CADM2: variants seen among roughly 807,000 people sequenced by gnomAD.
The protein encoded by CADM2 is immunoglobulin superfamily member 4D.
Under a neutral mutation model 49.8 loss-of-function variants are expected in CADM2, and 12 were observed. That is an observed-to-expected ratio of 0.24 (90% CI 0.15 to 0.39). The LOEUF (loss-of-function observed/expected upper bound fraction) is 0.39. Ranked by LOEUF, CADM2 falls within the 10% of genes least tolerant of loss-of-function variation. CADM2 has a pLI of 1.00. For synonymous variants in CADM2, 214 were observed against 175.4 expected (o/e 1.22, Z -1.74); for missense variants, 378 against 492.3 (o/e 0.77, Z 2.20).
intron 1 of CADM2, among the ~76,000 whole-genome samples, chr3:85,093,754 G>C (rs1174682067): frequency 6.6e-6 from 1 of 152,032 alleles, no homozygotes; most frequent in Non-Finnish European, 1.5e-5. Context: ...TACATCCACT[G>C]TACTCTAAGA....
intron 3 of CADM2, among the ~76,000 whole-genome samples, chr3:85,815,749 A>G (rs1252266529): frequency 6.6e-6 from 1 of 152,136 alleles, no homozygotes; most frequent in Non-Finnish European, 1.5e-5. Context: ...TGGCCCGGAC[A>G]ATGAGGCAAG....
At chr3:85,054,215 AG>A (rs2035989376) in intron 1 of CADM2, among the ~76,000 whole-genome samples, 1 of 152,038 alleles carries the variant, frequency 6.6e-6, no homozygotes, top group African/African-American at 2.4e-5. Context: ...GATCAGAAAA[AG>A]TTTCATGGGG....
rs369462206 is a variant in CADM2, at chr3:86,056,020, G to GCC, written c.971-9582_971-9581dup. ...AGCTGACTTTTCTCAGCAGCAAATG[G>GCC]CCCCATGGTAATCCATGGCAATCCA... On this transcript the variant is annotated intron_variant, in intron 8 of 9. Coordinates refer to ENST00000383699, the MANE Select transcript of CADM2 (RefSeq NM_001167675.2). Among the ~76,000 whole-genome samples, 819 of 152,198 alleles carry GCC rather than the reference G, an allele frequency of 5.4e-3. 3 individuals carry two copies. The highest frequency in any genetic ancestry group is 0.014 in the Middle Eastern group (4 of 294).
chr3:85,231,350 T>C (rs1457741852), intron 1 of CADM2, among the ~76,000 whole-genome samples: 2 of 152,128 alleles, frequency 1.3e-5, no homozygotes, highest in African/African-American at 4.8e-5. Context: ...CTTTTTACAT[T>C]TTCATAGCTA....
chr3:85,027,013 A>C (rs561516616), intron 1 of CADM2, among the ~76,000 whole-genome samples: 2 of 149,352 alleles, frequency 1.3e-5, no homozygotes, highest in African/African-American at 5.0e-5. Flanking sequence ...CTCTTAGTGC[A>C]TCTTTTTCTA....
At chr3:85,767,525 TCTCA>T (rs1290080402) in intron 2 of CADM2, among the ~76,000 whole-genome samples, 1 of 152,170 alleles carries the variant, frequency 6.6e-6, no homozygotes, top group Non-Finnish European at 1.5e-5. Flanking sequence ...GAAGTTTTCT[TCTCA>T]CTAAATTTCT....
chr3:85,168,033 G>T (rs2040519318), intron 1 of CADM2, among the ~76,000 whole-genome samples: 1 of 152,070 alleles, frequency 6.6e-6, no homozygotes, highest in Non-Finnish European at 1.5e-5. Flanking sequence ...CATAGAAAGT[G>T]ATAATGCTAA....
chr3:85,188,338 CTA>C (rs1179985165), intron 1 of CADM2, among the ~76,000 whole-genome samples: 30 of 152,138 alleles, frequency 2.0e-4, no homozygotes, highest in African/African-American at 5.8e-4. Flanking sequence ...CCAAAAAATG[CTA>C]TGTTTCTATC....
At chr3:85,493,222 G>C (rs1381943750) in intron 1 of CADM2, among the ~76,000 whole-genome samples, 1 of 152,020 alleles carries the variant, frequency 6.6e-6, no homozygotes, top group Non-Finnish European at 1.5e-5. Flanking sequence ...AGGTTTTAAA[G>C]TTTTTCCAAA....
chr3:85,627,282 T>A (rs1008880196), intron 1 of CADM2, among the ~76,000 whole-genome samples: 1 of 152,014 alleles, frequency 6.6e-6, no homozygotes, highest in African/African-American at 2.4e-5. Context: ...TTTCAGAGAA[T>A]ATTTCACCTT....
chr3:86,064,308 G>A (rs1197396853), intron 8 of CADM2, among the ~76,000 whole-genome samples: 1 of 151,940 alleles, frequency 6.6e-6, no homozygotes, highest in Non-Finnish European at 1.5e-5. Context: ...TGCAGTGTTT[G>A]GTTTTTTGTC....
chr3:85,692,523 G>A (rs898801958), intron 1 of CADM2, among the ~76,000 whole-genome samples: 5 of 152,116 alleles, frequency 3.3e-5, no homozygotes, highest in African/African-American at 1.2e-4. Context: ...TAATTTTTAG[G>A]ATATATTTTA....
chr3:85,034,135 T>C (rs933996463), intron 1 of CADM2, among the ~76,000 whole-genome samples: 4 of 152,166 alleles, frequency 2.6e-5, no homozygotes, highest in African/African-American at 4.8e-5. Context: ...AATCCAATTA[T>C]AGTCTTCTAG....
At chr3:85,050,970 A>G (rs555283259) in intron 1 of CADM2, among the ~76,000 whole-genome samples, 10 of 152,196 alleles carry the variant, frequency 6.6e-5, no homozygotes, top group African/African-American at 1.9e-4. Flanking sequence ...GAAGGAGCAT[A>G]CAAGGACTGC....
chr3:85,860,031 G>A (rs558187298), intron 3 of CADM2, among the ~76,000 whole-genome samples: 6 of 151,742 alleles, frequency 4.0e-5, no homozygotes, highest in Non-Finnish European at 7.4e-5. Context: ...TATTTGAGTC[G>A]ATCTTTTACC....
intron 1 of CADM2, among the ~76,000 whole-genome samples, chr3:85,118,883 G>A (rs536429441): frequency 5.2e-4 from 79 of 152,188 alleles, no homozygotes; most frequent in African/African-American, 1.1e-3. Flanking sequence ...CTGAGTAGCT[G>A]GGATTACAGG....
rs1731687228 is a variant in CADM2 at position 86,012,683 on chromosome 3, G to C, written c.970+51036G>C. 10 of 1,283,028 alleles carry C rather than the reference G, an allele frequency of 7.8e-6. No homozygotes were observed. The South Asian group carries it at 1.1e-4, about 14-fold the overall frequency. The allele number at this position is 1,283,028 out of a possible 1,614,324, so 79.5% of individuals were successfully genotyped here. A position where few individuals can be genotyped will look rare whatever the true frequency, so the allele number is the denominator to read the frequency against. On this transcript the variant is annotated intron_variant, in intron 8 of 9. Coordinates refer to ENST00000383699, the MANE Select transcript of CADM2 (RefSeq NM_001167675.2). The stretch of plus-strand genomic sequence containing the variant: ...GTGGGTGGAGAATTGTAGGAGAGCT[G>C]ACTTAGAAGATAAAACACCTGATCG...
chr3:84,962,599 G>A (rs1020106610), intron 1 of CADM2, among the ~76,000 whole-genome samples: 1 of 152,176 alleles, frequency 6.6e-6, no homozygotes, highest in African/African-American at 2.4e-5. Flanking sequence ...AGAAAAGGGT[G>A]GCGGGGGAAC....
chr3:85,518,100 G>A (rs2060946037), intron 1 of CADM2, among the ~76,000 whole-genome samples: 1 of 151,970 alleles, frequency 6.6e-6, no homozygotes, highest in African/African-American at 2.4e-5. Context: ...TCTGCCTCCC[G>A]GGTTCAAGCA....
Sources: allele counts gnomAD v4.1 joint callset (sites outside exome capture counted in the v4.1 genomes callset), GRCh38; gene constraint gnomAD v4.1.1; transcripts MANE v1.5; gene names NCBI Gene and HGNC (gene_info 2026-07-23, HGNC 2026-07-21).